Variants in PTPRN2 observed in about 807,000 individuals in gnomAD.
The protein encoded by PTPRN2 is receptor-type tyrosine-protein phosphatase N2.
In PTPRN2, 74 loss-of-function variants were observed where a neutral mutation model predicts 118.8. The observed-to-expected ratio is 0.62, with a 90% CI of 0.52 to 0.76. The LOEUF is 0.76. Among genes scored for constraint, PTPRN2 ranks in the 30% least tolerant of loss-of-function variants. The pLI is 0.00. For missense variants in PTPRN2, 1,481 were observed against 1,394.4 expected (o/e 1.06, Z -0.99); for synonymous variants, 641 against 608.0 (o/e 1.05, Z -0.80).
At chr7:157,820,000 G>C (rs1806711011) in intron 12 of PTPRN2, among the ~76,000 whole-genome samples, 1 of 146,204 alleles carries the variant, frequency 6.8e-6, no homozygotes, top group Non-Finnish European at 1.5e-5. Context: ...CACACACACA[G>C]AGGCACTCCA....
intron 12 of PTPRN2, chr7:157,863,123 T>C (rs1810369924): frequency 6.6e-6 from 1 of 152,256 alleles, no homozygotes; most frequent in African/African-American, 2.4e-5. Flanking sequence ...GGACCAGCAT[T>C]CTCCAAGCGC....
intron 21 of PTPRN2, among the ~76,000 whole-genome samples, chr7:157,568,328 G>A (rs1330803573): frequency 6.6e-6 from 1 of 152,212 alleles, no homozygotes; most frequent in Admixed American, 6.5e-5. Flanking sequence ...CCGTCTCTGA[G>A]AGGAACGCCT....
rs889970334 is a variant in PTPRN2, at chr7:157,784,862, G to A, written c.1789-101925C>T. Among the ~76,000 whole-genome samples, 4 of 152,142 alleles carry A rather than the reference G, an allele frequency of 2.6e-5. No individual in the cohort carries two copies. Among genetic ancestry groups the A allele is most frequent in the Admixed American group, 1.3e-4 (2 of 15,278 alleles). ...CCCAGGGGGCCTGGACAAGTAATAAGGTCAAGATATTTTTGGACTTGTTCA... is the reference window on the plus strand; with the variant it reads ...CCCAGGGGGCCTGGACAAGTAATAAAGTCAAGATATTTTTGGACTTGTTCA... On this transcript the variant is annotated intron_variant, in intron 12 of 22. Transcript: ENST00000389418. This position sits in a 1 kb window ranked among gnomAD's most constrained non-coding sequence, Gnocchi z 4.6.
chr7:158,092,879 G>A lies in PTPRN2; in HGVS notation c.1644-11502C>T, dbSNP rs530385719. Among the ~76,000 whole-genome samples the A allele has an allele frequency of 5.3e-5, 8 of 152,294 alleles. No homozygotes were observed. In the South Asian group the frequency reaches 1.0e-3, roughly 20 times the overall value. On this transcript the variant is annotated intron_variant, in intron 10 of 22. Coordinates refer to ENST00000389418, the MANE Select transcript of PTPRN2 (RefSeq NM_002847.5). ...TGTGTCTGGCCTTGAGTAGGTGGGC[G>A]CAAACCAAGAGAGCACGCTGCTGTG...
At chr7:158,125,884 G>A (rs1817617458) in intron 9 of PTPRN2, among the ~76,000 whole-genome samples, 4 of 152,156 alleles carry the variant, frequency 2.6e-5, no homozygotes, top group Admixed American at 6.5e-5. Flanking sequence ...GACCTCGGCT[G>A]CACCCCGTCC....
chr7:158,342,257 A>T (rs1369683607), intron 2 of PTPRN2, among the ~76,000 whole-genome samples: 2 of 131,650 alleles, frequency 1.5e-5, no homozygotes, highest in Non-Finnish European at 3.1e-5. Flanking sequence ...ACGCCCGCAG[A>T]CGTCACTCAC....
chr7:157,693,712 G>C (rs1403168742), intron 12 of PTPRN2, among the ~76,000 whole-genome samples: 1 of 152,062 alleles, frequency 6.6e-6, no homozygotes, highest in Non-Finnish European at 1.5e-5. Flanking sequence ...GCAGAGGCCA[G>C]AGGGGCCCTG....
At chr7:157,806,991 C>T (rs756184039) in intron 12 of PTPRN2, among the ~76,000 whole-genome samples, 3 of 152,256 alleles carry the variant, frequency 2.0e-5, no homozygotes, top group Non-Finnish European at 2.9e-5. Context: ...CTCTGCTCCC[C>T]TCAGGGCCCA....
chr7:158,541,306 G>A, intron 1 of PTPRN2: 1 of 556,308 alleles, frequency 1.8e-6, no homozygotes, highest in Non-Finnish European at 2.8e-6. Context: ...AGAACTCTGG[G>A]CTGTGGTGGC....
chr7:158,325,610 A>C (rs1803437580), intron 2 of PTPRN2, among the ~76,000 whole-genome samples: 1 of 152,234 alleles, frequency 6.6e-6, no homozygotes, highest in African/African-American at 2.4e-5. Flanking sequence ...AAAGTTCTTG[A>C]ATTGTGAGCA....
At chr7:157,655,585 G>A (rs1283756379) in intron 14 of PTPRN2, among the ~76,000 whole-genome samples, 2 of 152,190 alleles carry the variant, frequency 1.3e-5, no homozygotes, top group Non-Finnish European at 1.5e-5. Context: ...AAGTGCAGCC[G>A]CTGCTTCGGC....
At position 158,326,455 on chromosome 7, in the gene PTPRN2, C is replaced by T. The variant is rs369096281; in HGVS notation, c.164-9523G>A. 4.6e-5 allele frequency among the ~76,000 whole-genome samples: 7 copies of T among 152,348 alleles called. 1 individual carries two copies. The South Asian group carries it at 1.5e-3, about 32-fold the overall frequency. On this transcript the variant is annotated intron_variant, in intron 2 of 22. Transcript: ENST00000389418. The stretch of plus-strand genomic sequence containing the variant: ...AGGAGAATTAATGCACACTTGTACA[C>T]GTGTGCACAATACACAAGCAACCAC...
intron 1 of PTPRN2, among the ~76,000 whole-genome samples, chr7:158,584,674 G>A (rs1258366025): frequency 6.6e-6 from 1 of 152,206 alleles, no homozygotes; most frequent in African/African-American, 2.4e-5. Flanking sequence ...GGAAAAGAGA[G>A]GAAGCAGTGA....
chr7:158,149,880 AG>A (rs1820776294), intron 6 of PTPRN2, among the ~76,000 whole-genome samples: 1 of 152,132 alleles, frequency 6.6e-6, no homozygotes, highest in African/African-American at 2.4e-5. Context: ...TTGGGATCTA[AG>A]TTATGCTGAA....
chr7:158,112,532 T>A (rs985872153), intron 9 of PTPRN2, among the ~76,000 whole-genome samples: 1 of 152,122 alleles, frequency 6.6e-6, no homozygotes, highest in Non-Finnish European at 1.5e-5. Flanking sequence ...GAGGGACATC[T>A]GAGGCCATGC....
chr7:158,067,123 A>G (rs1810834954), intron 11 of PTPRN2, among the ~76,000 whole-genome samples: 1 of 152,168 alleles, frequency 6.6e-6, no homozygotes, highest in Admixed American at 6.5e-5. Context: ...TGGCCACAGG[A>G]GGGCTGAGGC....
chr7:157,958,514 CA>C (rs1289750391), intron 11 of PTPRN2, among the ~76,000 whole-genome samples: 1 of 152,082 alleles, frequency 6.6e-6, no homozygotes, highest in Non-Finnish European at 1.5e-5. Flanking sequence ...AGATTTTACA[CA>C]AGAGATCTGT....
intron 2 of PTPRN2, among the ~76,000 whole-genome samples, chr7:158,481,756 C>A (rs1820657893): frequency 6.6e-6 from 1 of 152,200 alleles, no homozygotes; most frequent in Non-Finnish European, 1.5e-5. Context: ...GCCACTGCAC[C>A]CAGCCAAGAC....
chr7:157,558,611 C>A (rs1298201839), intron 21 of PTPRN2, among the ~76,000 whole-genome samples: 1 of 152,254 alleles, frequency 6.6e-6, no homozygotes, highest in Non-Finnish European at 1.5e-5. Context: ...CCACTTGCAC[C>A]TTTTACCCAA....
Sources: allele counts gnomAD v4.1 joint callset (sites outside exome capture counted in the v4.1 genomes callset), GRCh38; gene constraint gnomAD v4.1.1; non-coding constraint Gnocchi (gnomAD v3.1); transcripts MANE v1.5; gene names NCBI Gene and HGNC (gene_info 2026-07-23, HGNC 2026-07-21).